The following CLN6 variants were observed in gnomAD, a reference collection of about 807,000 sequenced individuals.
CLN6 encodes ceroid-lipofuscinosis neuronal protein 6.
In CLN6, 22 loss-of-function variants were observed where a neutral mutation model predicts 33.3. That is an observed-to-expected ratio of 0.66 (90% CI 0.47 to 0.94). The LOEUF (loss-of-function observed/expected upper bound fraction) is 0.94. CLN6 is among the 40% of genes least tolerant of loss of function. The pLI is 0.00. For missense variants in CLN6, 387 were observed against 417.1 expected, an observed-to-expected ratio of 0.93 and a Z score of 0.63; for synonymous variants, 201 against 174.6, an observed-to-expected ratio of 1.15 and a Z score of -1.19.
rs2093197196 is a variant in CLN6, at chr15:68,209,156, C to T, written c.665+481G>A. Among the ~76,000 whole-genome samples the T allele has an allele frequency of 6.6e-6, 1 of 152,210 alleles. No homozygotes were observed. The highest frequency in any genetic ancestry group is 1.5e-5 in the Non-Finnish European group (1 of 68,034). Reference sequence around the variant, plus strand: ...AGACCCAAGGCCAGAAGCCCCTACGCCATGAAACCCCCCAGTCTGGCCTCG... The same window carrying T: ...AGACCCAAGGCCAGAAGCCCCTACGTCATGAAACCCCCCAGTCTGGCCTCG... On this transcript the variant is annotated intron_variant, in intron 6 of 6. Coordinates refer to ENST00000249806, the MANE Select transcript of CLN6 (RefSeq NM_017882.3). The surrounding 1 kb of genome is among the most constrained non-coding windows in gnomAD (Gnocchi z 4.9).
chr15:68,239,541 G>T (rs1018408963), intron 1 of CLN6, among the ~76,000 whole-genome samples: 5 of 152,048 alleles, frequency 3.3e-5, no homozygotes, highest in African/African-American at 1.2e-4. Context: ...ATGATAAAAG[G>T]TTTTATTTAT....
chr15:68,211,865 T>C lies in CLN6; in HGVS notation c.298-2A>G, dbSNP rs1567095942. The C allele has an allele frequency of 6.2e-7, 1 of 1,613,260 alleles. No homozygotes were observed. The highest frequency in any genetic ancestry group is 8.5e-7 in the Non-Finnish European group (1 of 1,179,898). Reference sequence around the variant, plus strand: ...GGTGCGGGGGGACCGCTCGATGAGCTGGGGTTCAGAGTGGGGTTGGCAGCA... The same window carrying C: ...GGTGCGGGGGGACCGCTCGATGAGCCGGGGTTCAGAGTGGGGTTGGCAGCA... On this transcript the variant is annotated splice_acceptor_variant, in intron 3 of 6. Transcript: ENST00000249806. LOFTEE classifies it high-confidence loss of function. This position sits in a 1 kb window ranked among gnomAD's most constrained non-coding sequence, Gnocchi z 5.9.
rs929399626 is a variant in CLN6 at position 68,236,932 on chromosome 15, T to C, written c.180-18282A>G. Among the ~76,000 whole-genome samples, 5 of 139,908 alleles carry C rather than the reference T, an allele frequency of 3.6e-5. No homozygotes were observed. Among genetic ancestry groups the C allele is most frequent in the African/African-American group, 1.3e-4 (5 of 37,084 alleles). 91.8% of individuals were successfully genotyped at this position (139,908 alleles called of 152,430 possible). A position where few individuals can be genotyped will look rare whatever the true frequency, so the allele number is the denominator to read the frequency against. ...CAGCACTTTGGGAGGCCGAGGCGGG[T>C]GGATCATGAGGTCAGGAGATCGAGA... On this transcript the variant is annotated intron_variant, in intron 1 of 6. Coordinates refer to the CLN6 transcript ENST00000538696. The surrounding 1 kb of genome is among the most constrained non-coding windows in gnomAD (Gnocchi z 4.5).
intron 1 of CLN6, among the ~76,000 whole-genome samples, chr15:68,235,605 T>A (rs943583824): frequency 2.2e-3 from 8 of 3,578 alleles, no homozygotes; most frequent in African/African-American, 2.6e-3. Context: ...TATATATATA[T>A]ATATATATAT....
chr15:68,214,422 G>A lies in CLN6; in HGVS notation c.199-34C>T, dbSNP rs750426619. ...CAAATGGAAGAATGGGCTCACCTGG[G>A]CACAGCCCCACGCGGCCCTCGGGCC... is the stretch of plus-strand genomic sequence containing the variant. On this transcript the variant is annotated intron_variant, in intron 2 of 6. Coordinates refer to ENST00000249806, the MANE Select transcript of CLN6 (RefSeq NM_017882.3). 12 of 1,549,768 alleles carry A rather than the reference G, an allele frequency of 7.7e-6. No homozygotes were observed. In the South Asian group the frequency reaches 8.9e-5, roughly 12 times the overall value.
At chr15:68,251,617 G>A (rs1373319660) in intron 1 of CLN6, among the ~76,000 whole-genome samples, 1 of 152,122 alleles carries the variant, frequency 6.6e-6, no homozygotes, top group African/African-American at 2.4e-5. Flanking sequence ...GGAGGTTGCA[G>A]TGAACCAAGA....
chr15:68,211,623 GGACA>G lies in CLN6; in HGVS notation c.486+48_486+51del. 1 of 1,609,558 alleles carries G rather than the reference GGACA, an allele frequency of 6.2e-7. No homozygotes were observed. Among genetic ancestry groups the G allele is most frequent in the South Asian group, 1.1e-5 (1 of 90,766 alleles). ...TGGGGGCCATTTCTTCAGCCTCCCA[GGACA>G]GACTGTGCTCCTAGGGCTTACAGGC... On this transcript the variant is annotated intron_variant, in intron 4 of 6. Coordinates refer to ENST00000249806, the MANE Select transcript of CLN6 (RefSeq NM_017882.3). This position sits in a 1 kb window ranked among gnomAD's most constrained non-coding sequence, Gnocchi z 5.9.
Position 68,208,352 on chromosome 15 carries a change from G to C in CLN6, c.724C>G (p.Leu242Val), listed in dbSNP as rs2093194081. 6.2e-7 allele frequency: 1 copy of C among 1,613,988 alleles called. No individual in the cohort carries two copies. The highest frequency in any genetic ancestry group is 8.5e-7 in the Non-Finnish European group (1 of 1,180,046). The part of the protein sequence containing the change: ...ILFIFTFFAM[L>V]ALVLHQKRKR... ...CGCTTCTGGTGCAGGACGAGGGCCA[G>C]CATGGCGAAGAAGGTGAAGATGAAG... Residue 242 changes from leucine (L) to valine (V), a missense_variant, in exon 7 of 7, where the codon CTG (leucine) becomes GTG (valine). Transcript: ENST00000249806. The surrounding 1 kb of genome is among the most constrained non-coding windows in gnomAD (Gnocchi z 5.8).
chr15:68,229,127 C>T (rs983531203), intron 1 of CLN6, among the ~76,000 whole-genome samples: 1 of 152,050 alleles, frequency 6.6e-6, no homozygotes, highest in African/African-American at 2.4e-5. Context: ...AGTTGGGGGT[C>T]CGAGTGACGA....
chr15:68,221,440 C>T (rs1427245553), intron 1 of CLN6, among the ~76,000 whole-genome samples: 11 of 152,048 alleles, frequency 7.2e-5, no homozygotes, highest in Non-Finnish European at 1.0e-4. Flanking sequence ...CCGTGTTGAC[C>T]AGGCTGGTCT....
intron 1 of CLN6, among the ~76,000 whole-genome samples, chr15:68,223,008 T>C (rs954944844): frequency 5.3e-5 from 8 of 152,122 alleles, no homozygotes; most frequent in African/African-American, 1.9e-4. Context: ...CAGGGTCCTC[T>C]GCCTAGGAAA....
chr15:68,231,280 C>T (rs1305394673), upstream of CLN6, among the ~76,000 whole-genome samples: 1 of 152,150 alleles, frequency 6.6e-6, no homozygotes, highest in Non-Finnish European at 1.5e-5. Context: ...GCCCCTGGTC[C>T]CCTGAAGAAC....
chr15:68,208,185 A>G lies in CLN6; in HGVS notation c.891T>C (p.Pro297=), dbSNP rs747337816. The G allele has an allele frequency of 1.6e-5, 25 of 1,602,458 alleles. No homozygotes were observed. The highest frequency in any genetic ancestry group is 2.1e-5 in the Non-Finnish European group (25 of 1,173,544). The change falls in exon 7 of 7, where the codon CCT becomes CCC. Residue 297 remains proline (P), a synonymous_variant. Transcript: ENST00000249806. The surrounding 1 kb of genome is among the most constrained non-coding windows in gnomAD (Gnocchi z 5.8). ...GAAGGGTGTAGAAAGCCCAGGGCTC[A>G]GGGACGTAGATGACACCCGGGTACT... ...RKKYPGVIYV[P]EPWAFYTLHV...
upstream of CLN6, among the ~76,000 whole-genome samples, chr15:68,230,714 G>T (rs1358939687): frequency 1.3e-5 from 2 of 152,168 alleles, no homozygotes; most frequent in Non-Finnish European, 2.9e-5. This position sits in a 1 kb window ranked among gnomAD's most constrained non-coding sequence, Gnocchi z 4.0. Context: ...CAGCACTGGT[G>T]GACTAAGTTA....
At chr15:68,229,926 C>T (rs2093265440), upstream of CLN6, among the ~76,000 whole-genome samples, 1 of 152,182 alleles carries the variant, frequency 6.6e-6, no homozygotes, top group African/African-American at 2.4e-5. Context: ...GGTCCCTTGC[C>T]TGCCTGGGTA....
rs891056955 is a variant in CLN6, at chr15:68,210,967, G to A, written c.542+296C>T. Among the ~76,000 whole-genome samples the A allele has an allele frequency of 6.6e-6, 1 of 152,154 alleles. No homozygotes were observed. Among genetic ancestry groups the A allele is most frequent in the Non-Finnish European group, 1.5e-5 (1 of 68,004 alleles). On this transcript the variant is annotated intron_variant, in intron 5 of 6. Transcript: ENST00000249806. The surrounding 1 kb of genome is among the most constrained non-coding windows in gnomAD (Gnocchi z 5.6). ...TCAGGCTTGGCGAGGAAGGACCAAA[G>A]CCACTCGCTGCCCTCTGCTGGCCAC...
intron 1 of CLN6, among the ~76,000 whole-genome samples, chr15:68,237,334 A>C (rs921612270): frequency 6.6e-6 from 1 of 151,942 alleles, no homozygotes; most frequent in Non-Finnish European, 1.5e-5. Flanking sequence ...AAAAAAATTA[A>C]AAAATTAGCC....
At chr15:68,221,100 A>G (rs1336438669) in intron 1 of CLN6, among the ~76,000 whole-genome samples, 1 of 151,646 alleles carries the variant, frequency 6.6e-6, no homozygotes, top group Non-Finnish European at 1.5e-5. Context: ...ATCAACCCAC[A>G]TCAGCCATCC....
Position 68,210,262 on chromosome 15 carries a change from C to T in CLN6, c.543-503G>A, listed in dbSNP as rs538187060. Reference sequence around the variant, plus strand: ...AATACTACCCTCTCCCCTCTCCACACACCGGCTCCCTTTCTCCCACCTGTG... The same window carrying T: ...AATACTACCCTCTCCCCTCTCCACATACCGGCTCCCTTTCTCCCACCTGTG... On this transcript the variant is annotated intron_variant, in intron 5 of 6. Coordinates refer to ENST00000249806, the MANE Select transcript of CLN6 (RefSeq NM_017882.3). The surrounding 1 kb of genome is among the most constrained non-coding windows in gnomAD (Gnocchi z 5.6). Among the ~76,000 whole-genome samples, 2 of 151,964 alleles carry T rather than the reference C, an allele frequency of 1.3e-5. No homozygotes were observed. The highest frequency in any genetic ancestry group is 4.8e-5 in the African/African-American group (2 of 41,370).
Sources: gnomAD v4.1 joint callset for allele counts (sites outside exome capture counted in the v4.1 genomes callset) on GRCh38, gnomAD v4.1.1 for gene constraint, Gnocchi (gnomAD v3.1) non-coding constraint, MANE v1.5 for transcripts, NCBI Gene and HGNC (gene_info 2026-07-23, HGNC 2026-07-21) for gene names.